UBE3A: variants seen among roughly 807,000 people sequenced by gnomAD.
UBE3A encodes ubiquitin protein ligase E3A.
In UBE3A, 6 loss-of-function variants were observed where a neutral mutation model predicts 83.4. The observed-to-expected ratio is 0.07, with a 90% CI of 0.04 to 0.14. UBE3A has a LOEUF of 0.14. Among genes scored for constraint, UBE3A ranks in the 10% least tolerant of loss-of-function variants. UBE3A has a pLI of 1.00. For synonymous variants in UBE3A, 337 were observed against 355.4 expected, an observed-to-expected ratio of 0.95 and a Z score of 0.58; for missense variants, 456 against 1,036.1, an observed-to-expected ratio of 0.44 and a Z score of 7.69.
chr15:25,387,734 T>C (rs2083431563), intron 4 of UBE3A, among the ~76,000 whole-genome samples: 1 of 152,064 alleles, frequency 6.6e-6, no homozygotes, highest in Non-Finnish European at 1.5e-5. Context: ...CTAGCCAGGC[T>C]AAGAAAAAGA....
intron 4 of UBE3A, among the ~76,000 whole-genome samples, chr15:25,401,308 C>T (rs1268946981): frequency 1.3e-5 from 2 of 152,120 alleles, no homozygotes; most frequent in African/African-American, 4.8e-5. Context: ...CTAGGTAATG[C>T]TCATCTCCCA....
chr15:25,337,658 G>C lies in UBE3A; in HGVS notation c.*1479C>G, dbSNP rs1285375239. Reference sequence around the variant, plus strand: ...TTTCAAACAAACAAATCATCAGGTTGATCTACAGTAATCAGTTAAAACAAT... The same window carrying C: ...TTTCAAACAAACAAATCATCAGGTTCATCTACAGTAATCAGTTAAAACAAT... On this transcript the variant is annotated 3_prime_UTR_variant, in exon 13 of 13. Coordinates refer to ENST00000648336, the MANE Select transcript of UBE3A (RefSeq NM_130839.5). 1 of 152,048 alleles carries C rather than the reference G, an allele frequency of 6.6e-6. No individual in the cohort carries two copies. The highest frequency in any genetic ancestry group is 1.5e-5 in the Non-Finnish European group (1 of 67,984). 9.4% of individuals were successfully genotyped at this position (152,048 alleles called of 1,614,324 possible). A position where few individuals can be genotyped will look rare whatever the true frequency, so the allele number is the denominator to read the frequency against.
Position 25,338,314 on chromosome 15 carries a change from AAAC to A in UBE3A, c.*820_*822del, listed in dbSNP as rs1473176916. The stretch of plus-strand genomic sequence containing the variant: ...AAATGCACTTTCCCCAGTAAACTTA[AAAC>A]AACAACGAGAACAACAAGAACAAAA... On this transcript the variant is annotated 3_prime_UTR_variant, in exon 13 of 13. Coordinates refer to ENST00000648336, the MANE Select transcript of UBE3A (RefSeq NM_130839.5). The A allele has an allele frequency of 4.6e-5, 7 of 150,858 alleles. No individual in the cohort carries two copies. Among genetic ancestry groups the A allele is most frequent in the South Asian group, 2.1e-4 (1 of 4,746 alleles). 9.3% of individuals were successfully genotyped at this position (150,858 alleles called of 1,614,324 possible).
At chr15:25,346,505 C>A (rs1034121630) in intron 11 of UBE3A, 1 of 151,992 alleles carries the variant, frequency 6.6e-6, no homozygotes, top group South Asian at 2.1e-4. Flanking sequence ...ATCTGTCATA[C>A]CAAGAACCAG....
At chr15:25,376,378 C>T (rs2081223323) in intron 4 of UBE3A, among the ~76,000 whole-genome samples, 1 of 152,174 alleles carries the variant, frequency 6.6e-6, no homozygotes, top group Admixed American at 6.5e-5. Context: ...TGAGGCAGAT[C>T]ATGACTGTAA....
At position 25,337,505 on chromosome 15, in the gene UBE3A, G is replaced by A. The variant is rs1456313413; in HGVS notation, c.*1632C>T. 6.6e-6 allele frequency: 1 copy of A among 152,040 alleles called. No homozygotes were observed. Among genetic ancestry groups the A allele is most frequent in the African/African-American group, 2.4e-5 (1 of 41,400 alleles). 9.4% of individuals were successfully genotyped at this position (152,040 alleles called of 1,614,324 possible). On this transcript the variant is annotated 3_prime_UTR_variant, in exon 13 of 13. Transcript: ENST00000648336. The stretch of plus-strand genomic sequence containing the variant: ...TTAAATTATGGTGAAAAGTGCCACA[G>A]TTTTATTTAGCATTATGGTACATAA...
chr15:25,382,833 A>G (rs1373904151), intron 4 of UBE3A, among the ~76,000 whole-genome samples: 1 of 152,152 alleles, frequency 6.6e-6, no homozygotes, highest in African/African-American at 2.4e-5. Context: ...TATGACCCAA[A>G]AAAATTTGAT....
In UBE3A at chr15:25,338,854, CAAGTGAAAGAATATGT is replaced by C. The variant is rs2074237669; in HGVS notation, c.*267_*282del. 5.8e-6 allele frequency: 1 copy of C among 173,372 alleles called. No individual in the cohort carries two copies. Among genetic ancestry groups the C allele is most frequent in the Non-Finnish European group, 1.2e-5 (1 of 82,814 alleles). The allele number at this position is 173,372 out of a possible 1,614,324, so 10.7% of individuals were successfully genotyped here. On this transcript the variant is annotated 3_prime_UTR_variant, in exon 13 of 13. Coordinates refer to ENST00000648336, the MANE Select transcript of UBE3A (RefSeq NM_130839.5). ...ATTCAGAAAAACCTCTCTGTACATA[CAAGTGAAAGAATATGT>C]AACACTTTCACGCAAAAAAATAATT... is the stretch of plus-strand genomic sequence containing the variant.
chr15:25,425,001 G>A (rs925793925), intron 1 of UBE3A, among the ~76,000 whole-genome samples: 1 of 151,966 alleles, frequency 6.6e-6, no homozygotes, highest in Non-Finnish European at 1.5e-5. Context: ...TTTTTTGCAA[G>A]CTAACCCTAA....
intron 4 of UBE3A, among the ~76,000 whole-genome samples, chr15:25,381,780 C>G (rs1457005191): frequency 6.6e-6 from 1 of 152,018 alleles, no homozygotes; most frequent in Non-Finnish European, 1.5e-5. Flanking sequence ...AGTTCTAGGC[C>G]TTGTAGAAAT....
chr15:25,340,628 T>C (rs189996913), intron 11 of UBE3A, among the ~76,000 whole-genome samples: 73 of 152,302 alleles, frequency 4.8e-4, no homozygotes, highest in Middle Eastern at 3.4e-3. Context: ...TGGGTATATA[T>C]TTTATTTATC....
At position 25,370,256 on chromosome 15, in the gene UBE3A, G is replaced by C. The variant is rs893373020; in HGVS notation, c.1608+310C>G. Among the ~76,000 whole-genome samples, 7 of 152,128 alleles carry C rather than the reference G, an allele frequency of 4.6e-5. No individual in the cohort carries two copies. The highest frequency in any genetic ancestry group is 1.4e-4 in the African/African-American group (6 of 41,436). ...TATTGGGTATCTCCACATTTCTCTT[G>C]TTCTGGTCTTTGTCCAACACTCTAT... On this transcript the variant is annotated intron_variant, in intron 6 of 12. Transcript: ENST00000648336. The surrounding 1 kb of genome is among the most constrained non-coding windows in gnomAD (Gnocchi z 4.2).
At chr15:25,362,766 C>CATGTAATCCATTCTGAGTAAT in intron 6 of UBE3A, among the ~76,000 whole-genome samples, 1 of 152,174 alleles carries the variant, frequency 6.6e-6, no homozygotes, top group African/African-American at 2.4e-5. Context: ...TCCATATTGC[C>CATGTAATCCATTCTGAGTAAT]ATGTAATCCA....
chr15:25,432,672 T>A (rs1893814506), intron 1 of UBE3A, among the ~76,000 whole-genome samples: 1 of 152,194 alleles, frequency 6.6e-6, no homozygotes, highest in Non-Finnish European at 1.5e-5. Flanking sequence ...TAACCTCAAT[T>A]GATCCTGAGG....
At chr15:25,360,244 T>C (rs2077847866) in intron 7 of UBE3A, 139 bp downstream of exon 7, 11 of 1,063,726 alleles carry the variant, frequency 1.0e-5, no homozygotes, top group Non-Finnish European at 1.5e-5. Flanking sequence ...AATTCAGTCA[T>C]GATGTGTGAT....
intron 1 of UBE3A, among the ~76,000 whole-genome samples, chr15:25,430,031 A>ATATATATATATATATATATATT (rs1567190451): frequency 1.2e-5 from 1 of 82,416 alleles, no homozygotes; most frequent in African/African-American, 6.2e-5. Context: ...AAAAACCTAT[A>ATATATATATATATATATATATT]TATATATATA....
At chr15:25,409,849 T>TAAAC (rs2089551680) in intron 2 of UBE3A, among the ~76,000 whole-genome samples, 1 of 151,970 alleles carries the variant, frequency 6.6e-6, no homozygotes, top group African/African-American at 2.4e-5. Flanking sequence ...CACACACACA[T>TAAAC]AAACACAAAG....
At position 25,370,444 on chromosome 15, in the gene UBE3A, G is replaced by T; in HGVS notation, c.1608+122C>A. The T allele has an allele frequency of 8.5e-7, 1 of 1,173,994 alleles. No homozygotes were observed. Among genetic ancestry groups the T allele is most frequent in the Non-Finnish European group, 1.3e-6 (1 of 786,312 alleles). 72.7% of individuals were successfully genotyped at this position (1,173,994 alleles called of 1,614,324 possible). ...AAAGTATAATACTTATATAAGATCA[G>T]AAATGTCCATGTGTTCCTATGCTAT... On this transcript the variant is annotated intron_variant, in intron 6 of 12. Coordinates refer to ENST00000648336, the MANE Select transcript of UBE3A (RefSeq NM_130839.5). This position sits in a 1 kb window ranked among gnomAD's most constrained non-coding sequence, Gnocchi z 4.2.
intron 1 of UBE3A, among the ~76,000 whole-genome samples, chr15:25,427,586 G>A (rs1035888938): frequency 1.3e-4 from 13 of 97,482 alleles, no homozygotes; most frequent in Non-Finnish European, 2.6e-4. Flanking sequence ...GGCAACATAG[G>A]AAGACCCCAT....
Sources: gnomAD v4.1 joint callset for allele counts (sites outside exome capture counted in the v4.1 genomes callset) on GRCh38, gnomAD v4.1.1 for gene constraint, Gnocchi (gnomAD v3.1) non-coding constraint, MANE v1.5 for transcripts, NCBI Gene and HGNC (gene_info 2026-07-23, HGNC 2026-07-21) for gene names.